The following ATXN2 variants were observed in gnomAD, a reference collection of about 807,000 sequenced individuals.
ATXN2 encodes ataxin 2.
ATXN2 carries 37 observed loss-of-function variants against 138.6 expected under a neutral mutation model. The observed-to-expected ratio is 0.27, with a 90% CI of 0.21 to 0.35. The LOEUF is 0.35. ATXN2 is among the 10% of genes least tolerant of loss of function. ATXN2 has a pLI of 1.00. For missense variants in ATXN2, 1,216 were observed against 1,480.3 expected (o/e 0.82, Z 2.93); for synonymous variants, 549 against 543.7 (o/e 1.01, Z -0.13).
intron 12 of ATXN2, 50 bp from the exon 13 acceptor site, chr12:111,510,048 C>T (rs1566033127): frequency 8.0e-7 from 1 of 1,247,550 alleles, no homozygotes; most frequent in East Asian, 2.4e-5. Context: ...AAAAGCAAAA[C>T]AAGAAAACAC....
At chr12:111,531,240 C>T (rs1333416682) in intron 5 of ATXN2, among the ~76,000 whole-genome samples, 5 of 151,842 alleles carry the variant, frequency 3.3e-5, no homozygotes, top group Non-Finnish European at 5.9e-5. Context: ...TGGTGAAACC[C>T]TGTCTCTACT....
At position 111,598,154 on chromosome 12, in the gene ATXN2, G is replaced by A; in HGVS notation, c.251+630C>T. 1 of 1,105,466 alleles carries A rather than the reference G, an allele frequency of 9.0e-7. No homozygotes were observed. Among genetic ancestry groups the A allele is most frequent in the South Asian group, 2.3e-5 (1 of 44,292 alleles). 68.5% of individuals were successfully genotyped at this position (1,105,466 alleles called of 1,614,324 possible). A position where few individuals can be genotyped will look rare whatever the true frequency, so the allele number is the denominator to read the frequency against. ...CGCCGCCTCGGACACGAACGCAGAG[G>A]GGTGCGGGGGCCAAGGCCCACTTGT... On this transcript the variant is annotated intron_variant, in intron 1 of 24. Coordinates refer to ENST00000673436, the MANE Select transcript of ATXN2 (RefSeq NM_001372574.1). This position sits in a 1 kb window ranked among gnomAD's most constrained non-coding sequence, Gnocchi z 4.5.
intron 2 of ATXN2, among the ~76,000 whole-genome samples, 169 bp downstream of exon 2, chr12:111,555,714 T>C (rs752371036): frequency 6.9e-6 from 1 of 145,856 alleles, no homozygotes. Context: ...GTACATTTTA[T>C]ACAGAGTCAT....
At position 111,485,790 on chromosome 12, in the gene ATXN2, G is replaced by A. The variant is rs142462470; in HGVS notation, c.2380C>T (p.Pro794Ser). Residue 794 changes from proline (P) to serine (S), a missense_variant, in exon 17 of 25, where the codon CCA (proline) becomes TCA (serine). Pro to Ser is a moderately conservative substitution (Grantham distance 74). This residue lies in a region of ATXN2 where 490 missense variants were observed against 653.5 expected (regional missense o/e 0.75). Coordinates refer to ENST00000673436, the MANE Select transcript of ATXN2 (RefSeq NM_001372574.1). ...PSPSMVGHQQ[P>S]TPVYTQPVCF... ...ACAGGCTGAGTATAAACTGGAGTTG[G>A]CTGTTGATGACCCACCATAGATGGG... 5.2e-4 allele frequency: 845 copies of A among 1,614,022 alleles called. 2 individuals carry two copies. The highest frequency in any genetic ancestry group is 1.5e-3 in the Middle Eastern group (9 of 6,084).
rs768040755 is a variant in ATXN2 at position 111,456,169 on chromosome 12, G to T, written c.3130C>A (p.Pro1044Thr). 3 of 1,614,262 alleles carry T rather than the reference G, an allele frequency of 1.9e-6. No homozygotes were observed. The highest frequency in any genetic ancestry group is 2.5e-6 in the Non-Finnish European group (3 of 1,180,050). ...AIYHAGLAPT[P>T]PSMTPASNTQ... ...TTGGAGGCAGGTGTCATGGAGGGTG[G>T]AGTTGGCGCAAGCCCCGCGTGGTAA... The change falls in exon 23 of 25, where the codon CCA becomes ACA. Residue 1044 changes from proline (P) to threonine (T), a missense_variant. Around this residue, in one of 4 missense-constraint regions of ATXN2, gnomAD observed 490 missense variants for 653.5 expected, o/e 0.75. Coordinates refer to ENST00000673436, the MANE Select transcript of ATXN2 (RefSeq NM_001372574.1).
At chr12:111,548,983 A>C (rs1001038255) in intron 5 of ATXN2, among the ~76,000 whole-genome samples, 1 of 152,168 alleles carries the variant, frequency 6.6e-6, no homozygotes, top group African/African-American at 2.4e-5. Context: ...TTGGTCTCCC[A>C]AAGTGAGATT....
chr12:111,598,984 C>CTGA lies in ATXN2; in HGVS notation c.50_51insTCA (p.Gln16_Gln17insHis). 1 of 1,448,782 alleles carries CTGA rather than the reference C, an allele frequency of 6.9e-7. No individual in the cohort carries two copies. The highest frequency in any genetic ancestry group is 9.1e-7 in the Non-Finnish European group (1 of 1,096,798). The allele number at this position is 1,448,782 out of a possible 1,614,324, so 89.7% of individuals were successfully genotyped here. A position where few individuals can be genotyped will look rare whatever the true frequency, so the allele number is the denominator to read the frequency against. ...GCTGCTGCTGCTGCTGCTGTTGCTG[C>CTGA]TGCTGCTGCTGCTGCTGCTGCTGCT... is the stretch of plus-strand genomic sequence containing the variant. On this transcript the variant is annotated inframe_insertion, in exon 1 of 25. Coordinates refer to ENST00000673436, the MANE Select transcript of ATXN2 (RefSeq NM_001372574.1). This position sits in a 1 kb window ranked among gnomAD's most constrained non-coding sequence, Gnocchi z 4.5.
intron 1 of ATXN2, among the ~76,000 whole-genome samples, chr12:111,588,795 T>C (rs1315071805): frequency 1.4e-5 from 2 of 147,536 alleles, no homozygotes; most frequent in Middle Eastern, 3.9e-3. Context: ...ATTGAGACAA[T>C]CCTGGCTAAC....
intron 20 of ATXN2, chr12:111,469,755 T>C (rs758407556): frequency 6.5e-6 from 2 of 306,112 alleles, no homozygotes; most frequent in East Asian, 5.3e-5. Flanking sequence ...AACACCTTTA[T>C]GCTTTTATTA....
chr12:111,586,713 G>A (rs1884361258), intron 1 of ATXN2, among the ~76,000 whole-genome samples: 1 of 151,594 alleles, frequency 6.6e-6, no homozygotes, highest in African/African-American at 2.4e-5. Context: ...TAGAGACAGG[G>A]TTTCACCATG....
intron 1 of ATXN2, among the ~76,000 whole-genome samples, chr12:111,565,276 A>G (rs1346348898): frequency 6.6e-6 from 1 of 152,086 alleles, no homozygotes; most frequent in Non-Finnish European, 1.5e-5. Flanking sequence ...TGACAAGCTG[A>G]CCGTCTGTGG....
chr12:111,595,325 T>A (rs1002851154), intron 1 of ATXN2, among the ~76,000 whole-genome samples: 1 of 152,174 alleles, frequency 6.6e-6, no homozygotes, highest in East Asian at 1.9e-4. Flanking sequence ...GGAAACCCAA[T>A]TCCCAACAAT....
chr12:111,537,423 A>G (rs1215401766), intron 5 of ATXN2, among the ~76,000 whole-genome samples: 1 of 151,970 alleles, frequency 6.6e-6, no homozygotes. Flanking sequence ...CGTCTTTACT[A>G]AAAATATAAA....
chr12:111,504,951 G>A (rs1412923648), intron 14 of ATXN2, among the ~76,000 whole-genome samples: 2 of 152,174 alleles, frequency 1.3e-5, no homozygotes, highest in East Asian at 1.9e-4. Context: ...GGGCGAGTCC[G>A]CAGTGCAAGG....
intron 5 of ATXN2, among the ~76,000 whole-genome samples, chr12:111,537,901 G>A (rs1259153337): frequency 1.3e-5 from 2 of 152,122 alleles, no homozygotes; most frequent in Non-Finnish European, 2.9e-5. Flanking sequence ...TTTGAGACCA[G>A]CCTGGGCAAC....
intron 1 of ATXN2, among the ~76,000 whole-genome samples, chr12:111,570,610 G>T (rs1262294995): frequency 6.6e-6 from 1 of 152,080 alleles, no homozygotes; most frequent in East Asian, 1.9e-4. Flanking sequence ...CTTCCCGCCT[G>T]GAACTTCCTC....
At chr12:111,501,824 A>AG (rs1300585332) in intron 14 of ATXN2, among the ~76,000 whole-genome samples, 1 of 152,186 alleles carries the variant, frequency 6.6e-6, no homozygotes, top group Non-Finnish European at 1.5e-5. Context: ...TGAAGGCAAA[A>AG]ATCAGACTTT....
chr12:111,513,646 C>A, intron 10 of ATXN2, 107 bp from the exon 11 acceptor site: 5 of 867,812 alleles, frequency 5.8e-6, no homozygotes, highest in South Asian at 4.0e-5. Context: ...CTCACTCACT[C>A]TACAGTTTTT....
chr12:111,544,274 GCTCT>G (rs1024142304), intron 5 of ATXN2, among the ~76,000 whole-genome samples: 2 of 152,112 alleles, frequency 1.3e-5, no homozygotes, highest in East Asian at 3.8e-4. Flanking sequence ...ACATCCCAGA[GCTCT>G]CTAAGTATCT....
Sources: allele counts gnomAD v4.1 joint callset (sites outside exome capture counted in the v4.1 genomes callset), GRCh38; gene constraint gnomAD v4.1.1; regional missense constraint gnomAD v4.1.1; non-coding constraint Gnocchi (gnomAD v3.1); transcripts MANE v1.5; gene names NCBI Gene and HGNC (gene_info 2026-07-23, HGNC 2026-07-21).